Variants in CAMSAP1 observed in about 807,000 individuals in gnomAD.
CAMSAP1 encodes the protein calmodulin-regulated spectrin-associated protein 1.
Under a neutral mutation model 143.5 loss-of-function variants are expected in CAMSAP1, and 58 were observed. The observed-to-expected ratio is 0.40, with a 90% CI of 0.33 to 0.50. The LOEUF (loss-of-function observed/expected upper bound fraction) is 0.50, where lower values mean the gene tolerates loss of function less well. CAMSAP1 is among the 20% of genes least tolerant of loss of function. The pLI is 0.45. For synonymous variants in CAMSAP1, 945 were observed against 859.3 expected, an observed-to-expected ratio of 1.10 and a Z score of -1.74; for missense variants, 1,969 against 2,115.7, an observed-to-expected ratio of 0.93 and a Z score of 1.36.
intron 5 of CAMSAP1, among the ~76,000 whole-genome samples, chr9:135,859,644 G>A (rs192812717): frequency 6.6e-6 from 1 of 151,920 alleles, no homozygotes; most frequent in East Asian, 2.0e-4. Context: ...TACCCACCTC[G>A]GCCTCCCAAA....
chr9:135,897,653 C>A (rs1394633510), intron 1 of CAMSAP1, among the ~76,000 whole-genome samples: 1 of 152,042 alleles, frequency 6.6e-6, no homozygotes, highest in African/African-American at 2.4e-5. Context: ...GCCATGATGA[C>A]GTCCATGGTG....
At chr9:135,889,905 C>T (rs926542500) in intron 1 of CAMSAP1, among the ~76,000 whole-genome samples, 3 of 152,160 alleles carry the variant, frequency 2.0e-5, no homozygotes, top group African/African-American at 7.2e-5. Context: ...ACCCGTAGCT[C>T]GCTCCCCTGA....
chr9:135,883,597 C>A (rs540239444), intron 1 of CAMSAP1, among the ~76,000 whole-genome samples: 2 of 152,334 alleles, frequency 1.3e-5, no homozygotes, highest in Admixed American at 6.5e-5. Context: ...AGGGTGAACA[C>A]CCATGGTCTT....
chr9:135,882,815 C>G lies in CAMSAP1; in HGVS notation c.423+1G>C. ...GGGGGCGGCCACCGCAGACCACTCA[C>G]CATTTTTATGGGTGCGCGACTGAGG... On this transcript the variant is annotated splice_donor_variant, in intron 2 of 16. Transcript: ENST00000389532. LOFTEE classifies it high-confidence loss of function. This position sits in a 1 kb window ranked among gnomAD's most constrained non-coding sequence, Gnocchi z 4.9. 6.5e-7 allele frequency: 1 copy of G among 1,549,154 alleles called. No homozygotes were observed. The highest frequency in any genetic ancestry group is 8.7e-7 in the Non-Finnish European group (1 of 1,146,080).
intron 7 of CAMSAP1, among the ~76,000 whole-genome samples, chr9:135,828,953 C>G (rs370138433): frequency 6.6e-6 from 1 of 152,062 alleles, no homozygotes. Flanking sequence ...TTTTATCTGG[C>G]GAAGCAATAC....
At chr9:135,852,619 C>T (rs914440390) in intron 5 of CAMSAP1, among the ~76,000 whole-genome samples, 1 of 152,158 alleles carries the variant, frequency 6.6e-6, no homozygotes, top group African/African-American at 2.4e-5. Context: ...GCACCAGATT[C>T]CCTGCAAAGC....
intron 4 of CAMSAP1, among the ~76,000 whole-genome samples, chr9:135,864,948 A>G (rs1837323228): frequency 6.6e-6 from 1 of 152,206 alleles, no homozygotes; most frequent in Non-Finnish European, 1.5e-5. Context: ...ATGGCTCCTA[A>G]CAGATGTCAC....
chr9:135,894,239 A>T (rs894980229), intron 1 of CAMSAP1, among the ~76,000 whole-genome samples: 4 of 151,582 alleles, frequency 2.6e-5, no homozygotes, highest in Non-Finnish European at 5.9e-5. Context: ...AACTAGACAC[A>T]CCCTGCACCA....
In CAMSAP1 at chr9:135,821,347, G is replaced by C. The variant is rs140696174; in HGVS notation, c.3314C>G (p.Ala1105Gly). The C allele has an allele frequency of 3.1e-6, 5 of 1,613,478 alleles. No homozygotes were observed. In the African/African-American group the frequency reaches 6.7e-5, roughly 22 times the overall value. Residue 1105 changes from alanine (A) to glycine (G), a missense_variant, in exon 11 of 17, where the codon GCG becomes GGG. By Grantham distance (60) the Ala-to-Gly change is moderately conservative (BLOSUM62 0). Transcript: ENST00000389532. The surrounding 1 kb of genome is among the most constrained non-coding windows in gnomAD (Gnocchi z 4.6). ...CCTGTCTTTTGGGACCTTCAGCTCC[G>C]CCGGCCTTCCGGAACGGGAATTCCG... ...QGRNSRSGRP[A>G]ELKVPKDRPQ...
intron 1 of CAMSAP1, among the ~76,000 whole-genome samples, chr9:135,900,445 G>A (rs1039593081): frequency 2.0e-5 from 3 of 152,082 alleles, no homozygotes; most frequent in Non-Finnish European, 2.9e-5. Flanking sequence ...TGTAATCCCA[G>A]CACTTTGGGA....
At chr9:135,906,531 T>C (rs556942008) in intron 1 of CAMSAP1, among the ~76,000 whole-genome samples, 1 of 152,362 alleles carries the variant, frequency 6.6e-6, no homozygotes, top group South Asian at 2.1e-4. Context: ...ACGCAATTTC[T>C]AGTTGGGGAA....
chr9:135,870,284 A>C (rs921231852), intron 3 of CAMSAP1, among the ~76,000 whole-genome samples: 1 of 152,156 alleles, frequency 6.6e-6, no homozygotes, highest in Non-Finnish European at 1.5e-5. Context: ...TGGTTTTATA[A>C]GGCAGTTTTC....
chr9:135,822,258 C>G lies in CAMSAP1; in HGVS notation c.2403G>C (p.Gln801His). The G allele has an allele frequency of 6.2e-7, 1 of 1,614,012 alleles. No individual in the cohort carries two copies. Among genetic ancestry groups the G allele is most frequent in the Non-Finnish European group, 8.5e-7 (1 of 1,179,902 alleles). Residue 801 changes from glutamine (Q) to histidine (H), a missense_variant, in exon 11 of 17, where the codon CAG becomes CAC. Gln to His is a conservative substitution (Grantham distance 24). Coordinates refer to ENST00000389532, the MANE Select transcript of CAMSAP1 (RefSeq NM_015447.4). This position sits in a 1 kb window ranked among gnomAD's most constrained non-coding sequence, Gnocchi z 6.1. ...RSSPCLSTASQMSSVSMASGS... is the reference protein window; with the variant it reads ...RSSPCLSTASHMSSVSMASGS... ...CACTCGCCATGGAGACACTGCTCAT[C>G]TGAGAGGCTGTGCTCAGGCAGGGGC...
chr9:135,883,455 G>C (rs543250288), intron 1 of CAMSAP1, among the ~76,000 whole-genome samples: 12 of 152,280 alleles, frequency 7.9e-5, no homozygotes, highest in South Asian at 4.1e-4. Context: ...GGGCTGAGGG[G>C]AAACCAGCAC....
chr9:135,851,368 CCA>C (rs1184770652), intron 5 of CAMSAP1, among the ~76,000 whole-genome samples: 5 of 152,220 alleles, frequency 3.3e-5, no homozygotes, highest in East Asian at 1.9e-4. Flanking sequence ...GAACTGCCCT[CCA>C]CAGTCACCTA....
At chr9:135,840,389 C>G (rs888617092) in intron 7 of CAMSAP1, among the ~76,000 whole-genome samples, 1 of 152,168 alleles carries the variant, frequency 6.6e-6, no homozygotes, top group African/African-American at 2.4e-5. Context: ...TCCTAAGGAC[C>G]AGCAGGCAAG....
intron 1 of CAMSAP1, among the ~76,000 whole-genome samples, chr9:135,884,871 G>A (rs1186793589): frequency 6.6e-6 from 1 of 152,214 alleles, no homozygotes; most frequent in Non-Finnish European, 1.5e-5. Context: ...CAAACAGGCG[G>A]CCTGTGGGCC....
chr9:135,839,847 C>T (rs778953360), intron 7 of CAMSAP1, among the ~76,000 whole-genome samples: 25 of 152,110 alleles, frequency 1.6e-4, no homozygotes, highest in Middle Eastern at 3.4e-3. Flanking sequence ...CTGACGACCA[C>T]AGATGGAAAA....
At chr9:135,857,418 G>A (rs763566962) in intron 5 of CAMSAP1, among the ~76,000 whole-genome samples, 3 of 151,988 alleles carry the variant, frequency 2.0e-5, no homozygotes, top group Non-Finnish European at 4.4e-5. Context: ...GGTTTTTGGC[G>A]GCTCTTTAGA....
Sources: allele counts gnomAD v4.1 joint callset (sites outside exome capture counted in the v4.1 genomes callset), GRCh38; gene constraint gnomAD v4.1.1; non-coding constraint Gnocchi (gnomAD v3.1); transcripts MANE v1.5; gene names NCBI Gene and HGNC (gene_info 2026-07-23, HGNC 2026-07-21).